The following YIPF1 variants were observed in gnomAD, a reference collection of about 807,000 sequenced individuals.
YIPF1 encodes Yip1 domain family member 1, also known as protein YIPF1.
A neutral mutation model predicts 37.0 loss-of-function variants in YIPF1; 22 were observed. The observed-to-expected ratio is 0.59, with a 90% CI of 0.42 to 0.85. The LOEUF (loss-of-function observed/expected upper bound fraction) is 0.85, where lower values mean the gene tolerates loss of function less well. YIPF1 is among the 40% of genes least tolerant of loss of function. The pLI, the probability that YIPF1 is intolerant of heterozygous loss-of-function variation, is 0.00. For missense variants in YIPF1, 355 were observed against 373.1 expected, an observed-to-expected ratio of 0.95 and a Z score of 0.40; for synonymous variants, 128 against 131.9, an observed-to-expected ratio of 0.97 and a Z score of 0.21.
intron 8 of YIPF1, 86 bp from the exon 9 acceptor site, chr1:53,866,468 C>G: frequency 7.0e-7 from 1 of 1,421,696 alleles, no homozygotes; most frequent in Non-Finnish European, 9.5e-7. Context: ...GCCCCTGAGC[C>G]AATCAGCAGC....
At chr1:53,874,773 T>A (rs1055034841) in intron 6 of YIPF1, among the ~76,000 whole-genome samples, 2 of 150,824 alleles carry the variant, frequency 1.3e-5, no homozygotes, top group Admixed American at 6.6e-5. Flanking sequence ...TCTCAAAAAA[T>A]ATATATATAT....
At chr1:53,862,575 AG>A (rs1649912252) in intron 9 of YIPF1, among the ~76,000 whole-genome samples, 1 of 152,130 alleles carries the variant, frequency 6.6e-6, no homozygotes, top group Non-Finnish European at 1.5e-5. Flanking sequence ...GCAATCACCG[AG>A]GGGTCCCTGG....
chr1:53,867,733 A>C (rs1469389428), intron 7 of YIPF1, among the ~76,000 whole-genome samples: 1 of 152,220 alleles, frequency 6.6e-6, no homozygotes, highest in African/African-American at 2.4e-5. Context: ...CATGCTCTCT[A>C]GAGTTCCTCT....
intron 6 of YIPF1, among the ~76,000 whole-genome samples, chr1:53,875,696 A>T (rs6678296): frequency 6.6e-6 from 1 of 151,886 alleles, no homozygotes; most frequent in Non-Finnish European, 1.5e-5. Context: ...TAGCCTCTTG[A>T]GGTTCTTTGA....
intron 10 of YIPF1, among the ~76,000 whole-genome samples, chr1:53,858,575 G>C (rs1649784156): frequency 6.6e-6 from 1 of 152,154 alleles, no homozygotes; most frequent in Non-Finnish European, 1.5e-5. Flanking sequence ...GTTAGCTGAA[G>C]CTCAAAGAGA....
chr1:53,862,641 G>A (rs1404001749), intron 9 of YIPF1, among the ~76,000 whole-genome samples: 1 of 152,150 alleles, frequency 6.6e-6, no homozygotes, highest in Non-Finnish European at 1.5e-5. Context: ...ACCAATCCGT[G>A]TTCCCCAGGG....
intron 3 of YIPF1, among the ~76,000 whole-genome samples, chr1:53,887,417 G>A: frequency 6.6e-6 from 1 of 151,868 alleles, no homozygotes; most frequent in East Asian, 1.9e-4. Context: ...CTACTGGAAG[G>A]TTCTGAAAGA....
chr1:53,852,020 T>C lies in YIPF1; in HGVS notation c.*259A>G, dbSNP rs1035152328. On this transcript the variant is annotated 3_prime_UTR_variant, in exon 11 of 11. Coordinates refer to ENST00000072644, the MANE Select transcript of YIPF1 (RefSeq NM_018982.5). ...ACGGCACTGAGCATGCCTAACCTAT[T>C]CCCTGGCATTTCAGTCCAATCAGCG... 1.3e-5 allele frequency: 2 copies of C among 152,240 alleles called. No individual in the cohort carries two copies. Among genetic ancestry groups the C allele is most frequent in the Non-Finnish European group, 2.9e-5 (2 of 68,062 alleles). 9.4% of individuals were successfully genotyped at this position (152,240 alleles called of 1,614,324 possible). A position where few individuals can be genotyped will look rare whatever the true frequency, so the allele number is the denominator to read the frequency against.
chr1:53,885,837 A>G (rs4927042), intron 3 of YIPF1, among the ~76,000 whole-genome samples: 2,012 of 150,068 alleles, frequency 0.013, 32 homozygotes, highest in Admixed American at 0.019. Flanking sequence ...AAAAAAAAAA[A>G]AGAGAGAAAA....
Position 53,871,324 on chromosome 1 carries a change from A to T in YIPF1, c.481+48T>A, listed in dbSNP as rs967715567. On this transcript the variant is annotated intron_variant, in intron 7 of 10. Coordinates refer to ENST00000072644, the MANE Select transcript of YIPF1 (RefSeq NM_018982.5). ...GGAGCTCAGTGGGTAAAAAGAACTCAAAGCTAGAAACTGACAGCATTCCAA... is the reference window on the plus strand; with the variant it reads ...GGAGCTCAGTGGGTAAAAAGAACTCTAAGCTAGAAACTGACAGCATTCCAA... 3.2e-6 allele frequency: 5 copies of T among 1,564,976 alleles called. No individual in the cohort carries two copies. In the African/African-American group the frequency reaches 6.8e-5, roughly 21 times the overall value.
At chr1:53,861,641 G>T (rs1296853580) in intron 9 of YIPF1, among the ~76,000 whole-genome samples, 1 of 139,282 alleles carries the variant, frequency 7.2e-6, no homozygotes, top group African/African-American at 2.6e-5. Flanking sequence ...GGCAGGCAGG[G>T]AAGGAAGGAA....
intron 4 of YIPF1, among the ~76,000 whole-genome samples, chr1:53,880,887 C>T (rs974177691): frequency 3.9e-5 from 6 of 152,116 alleles, no homozygotes; most frequent in Non-Finnish European, 8.8e-5. Flanking sequence ...GGACCCCTTC[C>T]TTATACCATA....
intron 6 of YIPF1, among the ~76,000 whole-genome samples, chr1:53,874,454 C>G (rs1650282716): frequency 6.6e-6 from 1 of 152,134 alleles, no homozygotes; most frequent in Non-Finnish European, 1.5e-5. Context: ...ACACTGGTTA[C>G]CTAGCATGTC....
chr1:53,883,572 T>C (rs906341101), intron 3 of YIPF1, among the ~76,000 whole-genome samples: 5 of 152,226 alleles, frequency 3.3e-5, no homozygotes, highest in Admixed American at 1.3e-4. Context: ...CCTCAGTGTT[T>C]TCATCTGTAT....
At chr1:53,871,944 C>G (rs139668419) in intron 6 of YIPF1, among the ~76,000 whole-genome samples, 381 of 151,372 alleles carry the variant, frequency 2.5e-3, no homozygotes, top group Non-Finnish European at 4.4e-3. Context: ...GCAGGGCAAA[C>G]AGAACACATG....
At chr1:53,860,210 T>C (rs1649832368) in intron 9 of YIPF1, 57 bp from the exon 10 acceptor site, 7 of 1,541,056 alleles carry the variant, frequency 4.5e-6, no homozygotes, top group East Asian at 2.3e-5. Flanking sequence ...CGGGTAAGTG[T>C]TTTTTTAGAC....
intron 7 of YIPF1, 40 bp from the exon 8 acceptor site, chr1:53,866,964 C>A (rs758630729): frequency 5.1e-6 from 8 of 1,576,500 alleles, no homozygotes; most frequent in East Asian, 4.5e-5. Flanking sequence ...TCCATCATGC[C>A]TTTAGTAGAC....
rs1409059601 is a variant in YIPF1 at position 53,860,043 on chromosome 1, T to G, written c.*8+13A>C. 6.2e-7 allele frequency: 1 copy of G among 1,613,030 alleles called. No homozygotes were observed. Among genetic ancestry groups the G allele is most frequent in the Non-Finnish European group, 8.5e-7 (1 of 1,179,282 alleles). ...ATGGCACCACACAGCAAAATAAAAA[T>G]AGAATCTCTTACTTTCCTCATTAGC... On this transcript the variant is annotated intron_variant, in intron 10 of 10. Coordinates refer to ENST00000072644, the MANE Select transcript of YIPF1 (RefSeq NM_018982.5).
rs1456180537 is a variant in YIPF1 at position 53,883,151 on chromosome 1, C to T, written c.157G>A (p.Asp53Asn). Residue 53 changes from aspartate to asparagine, a missense_variant, in exon 4 of 11, where the codon GAT becomes AAT. Asp to Asn is a conservative substitution (Grantham distance 23). Transcript: ENST00000072644. The part of the protein sequence containing the change: ...SPRGSGREED[D>N]ELLGNDDSDK... ...GAGTCATCATTTCCCAGTAACTCAT[C>T]ATCTTCTTCTCTTCCTGAGCCTCTT... 1.9e-6 allele frequency: 3 copies of T among 1,597,658 alleles called. No individual in the cohort carries two copies. The highest frequency in any genetic ancestry group is 1.8e-5 in the Admixed American group (1 of 56,122).
Sources: allele counts gnomAD v4.1 joint callset (sites outside exome capture counted in the v4.1 genomes callset), GRCh38; gene constraint gnomAD v4.1.1; transcripts MANE v1.5; gene names NCBI Gene and HGNC (gene_info 2026-07-23, HGNC 2026-07-21).